ZP3: variants seen among roughly 807,000 people sequenced by gnomAD.
ZP3 encodes the protein zona pellucida sperm-binding protein 3.
Under a neutral mutation model 35.6 loss-of-function variants are expected in ZP3, and 21 were observed. The observed-to-expected ratio is 0.59, with a 90% CI of 0.42 to 0.85. ZP3 has a LOEUF of 0.85. ZP3 is among the 40% of genes least tolerant of loss of function. ZP3 has a pLI of 0.00. For missense variants in ZP3, 437 were observed against 536.5 expected, an observed-to-expected ratio of 0.81 and a Z score of 1.83; for synonymous variants, 207 against 214.5, an observed-to-expected ratio of 0.96 and a Z score of 0.31.
intron 1 of ZP3, among the ~76,000 whole-genome samples, chr7:76,405,883 TTTCC>T (rs1805008983): frequency 6.6e-6 from 1 of 152,078 alleles, no homozygotes; most frequent in African/African-American, 2.4e-5. Flanking sequence ...GTTTTCTTTC[TTTCC>T]TTCCTTCCTT....
intron 4 of ZP3, 109 bp from the exon 5 acceptor site, chr7:76,433,929 C>G: frequency 1.5e-6 from 1 of 657,766 alleles, no homozygotes. Flanking sequence ...GAACTCCTGA[C>G]CTCAAGTGAT....
rs201143080 is a variant in ZP3 at position 76,412,962 on chromosome 7, C to CTTTT, written c.-66-12088_-66-12087insTTTT. On this transcript the variant is annotated intron_variant, in intron 1 of 8. Transcript: ENST00000336517. ...CTTTCTTCTTTGTCTTCTTCTTCTTCTTCTTTTTTTTTTTTTTTGAGACGG... is the reference window on the plus strand; with the variant it reads ...CTTTCTTCTTTGTCTTCTTCTTCTTCTTTTTTCTTTTTTTTTTTTTTTGAGACGG... 5.5e-3 allele frequency among the ~76,000 whole-genome samples: 626 copies of CTTTT among 113,682 alleles called. 33 individuals carry two copies. Among genetic ancestry groups the CTTTT allele is most frequent in the African/African-American group, 0.018 (496 of 27,342 alleles). 74.6% of individuals were successfully genotyped at this position (113,682 alleles called of 152,430 possible). A position where few individuals can be genotyped will look rare whatever the true frequency, so the allele number is the denominator to read the frequency against.
At position 76,432,988 on chromosome 7, in the gene ZP3, T is replaced by C. The variant is rs1805875553; in HGVS notation, c.493T>C (p.Phe165Leu). Residue 165 changes from phenylalanine (F) to leucine (L), a missense_variant, in exon 3 of 8, where the codon TTC becomes CTC. Coordinates refer to ENST00000394857, the MANE Select transcript of ZP3 (RefSeq NM_001110354.2). ...CTGGTTGCCCTTCAGGACCACGGTG[T>C]TCTCAGAGGAGAAGCTGACTTTCTC... is the stretch of plus-strand genomic sequence containing the variant. ...PTWLPFRTTV[F>L]SEEKLTFSLR... 2 of 1,614,120 alleles carry C rather than the reference T, an allele frequency of 1.2e-6. No individual in the cohort carries two copies. Among genetic ancestry groups the C allele is most frequent in the Non-Finnish European group, 1.7e-6 (2 of 1,180,016 alleles).
intron 7 of ZP3, among the ~76,000 whole-genome samples, chr7:76,441,396 T>TC (rs1178614748): frequency 6.6e-6 from 1 of 151,252 alleles, no homozygotes; most frequent in Admixed American, 6.6e-5. Flanking sequence ...TTCTTCCCCC[T>TC]CCCCTGCACC....
chr7:76,425,078 C>G lies in ZP3; in HGVS notation c.114C>G (p.Ser38=). The change falls in exon 1 of 8, where the codon TCC becomes TCG. Residue 38 remains serine (S), a synonymous_variant. Transcript: ENST00000394857. ...LQGGASHPET[S]VQPVLVECQE... ...GTGGAGCCAGCCATCCTGAGACGTC[C>G]GTACAGCCCGTACTGGTGGAGTGTC... 9.3e-6 allele frequency: 15 copies of G among 1,613,432 alleles called. No individual in the cohort carries two copies. Among genetic ancestry groups the G allele is most frequent in the Non-Finnish European group, 1.3e-5 (15 of 1,179,894 alleles).
At position 76,415,487 on chromosome 7, in the gene ZP3, T is replaced by C. The variant is rs566413341; in HGVS notation, c.-66-9565T>C. Among the ~76,000 whole-genome samples, 214 of 151,872 alleles carry C rather than the reference T, an allele frequency of 1.4e-3. 1 individual carries two copies. Among genetic ancestry groups the C allele is most frequent in the African/African-American group, 4.9e-3 (202 of 41,456 alleles). On this transcript the variant is annotated intron_variant, in intron 1 of 8. Coordinates refer to the ZP3 transcript ENST00000336517. ...TTGATTCTTATTTTAGATTTTATTT[T>C]ATTTTTTATTTATTTATTTTTTTTG...
chr7:76,422,678 C>CAA (rs762988192), upstream of ZP3, among the ~76,000 whole-genome samples: 8 of 97,138 alleles, frequency 8.2e-5, no homozygotes, highest in African/African-American at 2.8e-4. Flanking sequence ...GATTCCGTCT[C>CAA]AAAAAAAAAA....
intron 1 of ZP3, among the ~76,000 whole-genome samples, chr7:76,427,238 C>T (rs539935511): frequency 9.9e-5 from 15 of 151,904 alleles, no homozygotes; most frequent in East Asian, 9.9e-4. Context: ...TGCGGCTGGC[C>T]GTGCGCAGTG....
At chr7:76,429,463 A>C in intron 1 of ZP3, 52 bp from the exon 2 acceptor site, 2 of 1,567,980 alleles carry the variant, frequency 1.3e-6, no homozygotes, top group Non-Finnish European at 1.8e-6. Context: ...ATGGCTTGGG[A>C]GTACCCGGGC....
rs756687886 is a variant in ZP3 at position 76,425,053 on chromosome 7, G to A, written c.89G>A (p.Gly30Asp). 6 of 1,610,172 alleles carry A rather than the reference G, an allele frequency of 3.7e-6. No individual in the cohort carries two copies. In the African/African-American group the frequency reaches 8.0e-5, roughly 22 times the overall value. ...CYPQPLWLLQ[G>D]GASHPETSVQ... is the part of the protein sequence containing the mutation. ...CCCCAACCCCTCTGGCTCTTGCAGG[G>A]TGGAGCCAGCCATCCTGAGACGTCC... is the stretch of plus-strand genomic sequence containing the variant. The change falls in exon 1 of 8, where the codon GGT becomes GAT. Residue 30 changes from glycine to aspartate, a missense_variant. Coordinates refer to ENST00000394857, the MANE Select transcript of ZP3 (RefSeq NM_001110354.2).
At chr7:76,397,910 T>C in intron 1 of ZP3, 1 of 1,388,462 alleles carries the variant, frequency 7.2e-7, no homozygotes, top group Non-Finnish European at 9.6e-7. Flanking sequence ...CAGCCCGGTG[T>C]CCCAGGATCT....
rs1370745079 is a variant in ZP3 at position 76,405,185 on chromosome 7, C to A, written c.-67+7388C>A. 1.5e-4 allele frequency among the ~76,000 whole-genome samples: 20 copies of A among 134,576 alleles called. No individual in the cohort carries two copies. The East Asian group carries it at 4.4e-3, about 29-fold the overall frequency. 88.3% of individuals were successfully genotyped at this position (134,576 alleles called of 152,430 possible). A position where few individuals can be genotyped will look rare whatever the true frequency, so the allele number is the denominator to read the frequency against. ...ATGGCACAATCTCGGCTCACTGCAA[C>A]CTCCATCTCTCAGGTTCAAGTGATT... is the stretch of plus-strand genomic sequence containing the variant. On this transcript the variant is annotated intron_variant, in intron 1 of 8. Transcript: ENST00000336517.
chr7:76,412,960 TTCTTC>T (rs1294881082), intron 1 of ZP3, among the ~76,000 whole-genome samples: 3 of 99,498 alleles, frequency 3.0e-5, no homozygotes, highest in African/African-American at 1.4e-4. Flanking sequence ...CTTCTTCTTC[TTCTTC>T]TTTTTTTTTT....
At chr7:76,402,175 C>A (rs1804853128) in intron 1 of ZP3, among the ~76,000 whole-genome samples, 2 of 146,238 alleles carry the variant, frequency 1.4e-5, no homozygotes, top group South Asian at 4.5e-4. Flanking sequence ...TGCCACCCTG[C>A]CCAGCTATTT....
chr7:76,418,045 C>T (rs1393600417), intron 1 of ZP3, among the ~76,000 whole-genome samples: 1 of 151,126 alleles, frequency 6.6e-6, no homozygotes, highest in Non-Finnish European at 1.5e-5. Flanking sequence ...TCAAGCGGGT[C>T]TCCTGCCTCA....
chr7:76,426,907 C>CACACACACACACACACACACACACACACA (rs57796274), intron 1 of ZP3, among the ~76,000 whole-genome samples: 31 of 126,928 alleles, frequency 2.4e-4, no homozygotes, highest in East Asian at 4.7e-4. Flanking sequence ...CACACACACA[C>CACACACACACACACACACACACACACACA]AATAGGGTGT....
intron 5 of ZP3, among the ~76,000 whole-genome samples, chr7:76,435,071 G>C: frequency 6.6e-6 from 1 of 152,242 alleles, no homozygotes; most frequent in Non-Finnish European, 1.5e-5. Context: ...AAATTGCCTG[G>C]TGCGGTGGCT....
intron 1 of ZP3, among the ~76,000 whole-genome samples, chr7:76,419,632 T>G (rs1805457123): frequency 6.6e-6 from 1 of 151,936 alleles, no homozygotes; most frequent in East Asian, 1.9e-4. Context: ...TTCTTTCTTT[T>G]TCTTTCTTTC....
At chr7:76,400,578 C>A in intron 1 of ZP3, 3 of 1,478,258 alleles carry the variant, frequency 2.0e-6, no homozygotes, top group East Asian at 2.5e-5. Flanking sequence ...TGGGGCCCCC[C>A]ACCAGCCTCA....
Sources: gnomAD v4.1 joint callset for allele counts (sites outside exome capture counted in the v4.1 genomes callset) on GRCh38, gnomAD v4.1.1 for gene constraint, MANE v1.5 for transcripts, NCBI Gene and HGNC (gene_info 2026-07-23, HGNC 2026-07-21) for gene names.